Variants in CAMK4 observed in about 807,000 individuals in gnomAD.
The protein encoded by CAMK4 is calcium/calmodulin-dependent protein kinase type IV.
Under a neutral mutation model 44.9 loss-of-function variants are expected in CAMK4, and 22 were observed. That is an observed-to-expected ratio of 0.49 (90% confidence interval 0.35 to 0.70). CAMK4 has a LOEUF of 0.70. Among genes scored for constraint, CAMK4 ranks in the 30% least tolerant of loss-of-function variants. The probability of loss-of-function intolerance (pLI) is 0.01; values close to 1 mark genes in which losing one functional copy is unlikely to be tolerated. For missense variants in CAMK4, 498 were observed against 586.8 expected (o/e 0.85, Z 1.56); for synonymous variants, 218 against 215.4 (o/e 1.01, Z -0.11).
intron 1 of CAMK4, among the ~76,000 whole-genome samples, chr5:111,231,154 A>G (rs1748453773): frequency 6.6e-6 from 1 of 152,192 alleles, no homozygotes; most frequent in Non-Finnish European, 1.5e-5. Context: ...AAGGATGTGG[A>G]CCCTTCAATA....
At chr5:111,289,186 A>G (rs1751350633) in intron 1 of CAMK4, among the ~76,000 whole-genome samples, 1 of 152,146 alleles carries the variant, frequency 6.6e-6, no homozygotes, top group African/African-American at 2.4e-5. Flanking sequence ...ATCTCTACTA[A>G]AAACACAAAA....
chr5:111,335,525 G>T (rs1270538068), intron 1 of CAMK4, among the ~76,000 whole-genome samples: 1 of 151,136 alleles, frequency 6.6e-6, no homozygotes, highest in Non-Finnish European at 1.5e-5. Context: ...AGAAAAAAAT[G>T]GTGAGATTAT....
At chr5:111,279,359 G>A (rs1040192088) in intron 1 of CAMK4, among the ~76,000 whole-genome samples, 2 of 152,088 alleles carry the variant, frequency 1.3e-5, no homozygotes, top group Non-Finnish European at 2.9e-5. Flanking sequence ...TAGCAACACT[G>A]GGACCCTTCT....
At chr5:111,437,263 T>G (rs1180116626) in intron 5 of CAMK4, among the ~76,000 whole-genome samples, 1 of 152,236 alleles carries the variant, frequency 6.6e-6, no homozygotes, top group Non-Finnish European at 1.5e-5. Context: ...ATTTTAATAT[T>G]TTAACTTCTA....
At chr5:111,245,316 A>G (rs1749185922) in intron 1 of CAMK4, among the ~76,000 whole-genome samples, 1 of 152,188 alleles carries the variant, frequency 6.6e-6, no homozygotes, top group Non-Finnish European at 1.5e-5. Context: ...GCTGTCAAGT[A>G]AAGCTTTAAG....
chr5:111,250,731 T>C (rs1749449996), intron 1 of CAMK4, among the ~76,000 whole-genome samples: 1 of 152,230 alleles, frequency 6.6e-6, no homozygotes, highest in African/African-American at 2.4e-5. Context: ...CTATGATCTT[T>C]TCTGACATCC....
At chr5:111,284,232 A>G (rs1325655252) in intron 1 of CAMK4, among the ~76,000 whole-genome samples, 4 of 152,180 alleles carry the variant, frequency 2.6e-5, no homozygotes, top group South Asian at 2.1e-4. Flanking sequence ...CAAATACTTT[A>G]TATTTGGCTT....
intron 1 of CAMK4, among the ~76,000 whole-genome samples, chr5:111,326,258 G>A (rs1339796559): frequency 6.6e-6 from 1 of 151,774 alleles, no homozygotes; most frequent in East Asian, 1.9e-4. Context: ...CAATATTAGG[G>A]ATAAAAGGGA....
At chr5:111,476,991 AAAC>A (rs1755268778) in intron 8 of CAMK4, among the ~76,000 whole-genome samples, 1 of 152,240 alleles carries the variant, frequency 6.6e-6, no homozygotes, top group Non-Finnish European at 1.5e-5. Context: ...GGAAACTCCT[AAAC>A]TAAGTCTAGG....
At chr5:111,442,696 C>G (rs1580758879) in intron 5 of CAMK4, among the ~76,000 whole-genome samples, 1 of 148,952 alleles carries the variant, frequency 6.7e-6, no homozygotes, top group South Asian at 2.1e-4. Flanking sequence ...TAGCACTCTA[C>G]TAATTTTTTG....
At chr5:111,246,555 G>T (rs1184349771) in intron 1 of CAMK4, among the ~76,000 whole-genome samples, 2 of 152,168 alleles carry the variant, frequency 1.3e-5, no homozygotes, top group South Asian at 4.1e-4. Context: ...TCTCCCAGGT[G>T]TGTTGGTTTT....
intron 1 of CAMK4, among the ~76,000 whole-genome samples, chr5:111,235,113 T>C (rs1314483215): frequency 6.6e-6 from 1 of 152,106 alleles, no homozygotes; most frequent in African/African-American, 2.4e-5. Context: ...GTTAGTTTGG[T>C]TTGCCTTACT....
chr5:111,457,493 A>G (rs1388198827), intron 7 of CAMK4, among the ~76,000 whole-genome samples: 1 of 152,256 alleles, frequency 6.6e-6, no homozygotes, highest in Non-Finnish European at 1.5e-5. Context: ...CATGATTTCA[A>G]GGATGATTCC....
chr5:111,442,156 C>A (rs186197222), intron 5 of CAMK4, among the ~76,000 whole-genome samples: 1 of 152,190 alleles, frequency 6.6e-6, no homozygotes, highest in Admixed American at 6.5e-5. Flanking sequence ...ATCCTGATAT[C>A]CTGTTAGGGG....
intron 1 of CAMK4, among the ~76,000 whole-genome samples, chr5:111,281,765 T>C (rs933685834): frequency 1.3e-5 from 2 of 152,136 alleles, no homozygotes; most frequent in Non-Finnish European, 2.9e-5. Context: ...TGACAAGAAA[T>C]TTTCTGGAAT....
rs1750260749 is a variant in CAMK4, at chr5:111,266,687, G to A, written c.161+42043G>A. Among the ~76,000 whole-genome samples, 5 of 152,154 alleles carry A rather than the reference G, an allele frequency of 3.3e-5. No individual in the cohort carries two copies. In the South Asian group the frequency reaches 1.0e-3, roughly 31 times the overall value. On this transcript the variant is annotated intron_variant, in intron 1 of 10. Transcript: ENST00000282356. The stretch of plus-strand genomic sequence containing the variant: ...CTCATACTCGTTTTGGAGATGTTTT[G>A]CCATACAAATAAAATGTCTAAGCCC...
chr5:111,294,782 AAT>A (rs975339191), intron 1 of CAMK4, among the ~76,000 whole-genome samples: 38 of 152,178 alleles, frequency 2.5e-4, no homozygotes, highest in African/African-American at 9.2e-4. Context: ...CAAATTAGGC[AAT>A]GTTTCCTCCT....
chr5:111,327,650 C>G (rs1344535489), intron 1 of CAMK4, among the ~76,000 whole-genome samples: 1 of 151,708 alleles, frequency 6.6e-6, no homozygotes, highest in Non-Finnish European at 1.5e-5. Flanking sequence ...TCCTATTTCT[C>G]CACATCCTCT....
chr5:111,254,080 C>T (rs906998978), intron 1 of CAMK4, among the ~76,000 whole-genome samples: 41 of 152,146 alleles, frequency 2.7e-4, no homozygotes, highest in African/African-American at 9.7e-4. Context: ...AAAATAGAAG[C>T]TCAGAATAAA....
Sources: allele counts gnomAD v4.1 joint callset (sites outside exome capture counted in the v4.1 genomes callset), GRCh38; gene constraint gnomAD v4.1.1; transcripts MANE v1.5; gene names NCBI Gene and HGNC (gene_info 2026-07-23, HGNC 2026-07-21).